The following IFT52 variants were observed in gnomAD, a reference collection of about 807,000 sequenced individuals.
The protein encoded by IFT52 is intraflagellar transport 52.
In IFT52, 44 loss-of-function variants were observed where a neutral mutation model predicts 54.4. The ratio of observed to expected loss-of-function variants is 0.81; its 90% CI spans 0.63 to 1.04. IFT52 has a LOEUF of 1.04. IFT52 is among the 50% of genes least tolerant of loss of function. The pLI, the probability that IFT52 is intolerant of heterozygous loss-of-function variation, is 0.00. For synonymous variants in IFT52, 181 were observed against 185.3 expected, an observed-to-expected ratio of 0.98 and a Z score of 0.19; for missense variants, 452 against 523.6, an observed-to-expected ratio of 0.86 and a Z score of 1.33.
chr20:43,607,531 G>C (rs1297666968), intron 6 of IFT52, among the ~76,000 whole-genome samples: 1 of 150,640 alleles, frequency 6.6e-6, no homozygotes, highest in African/African-American at 2.4e-5. Flanking sequence ...CATCCCAGAC[G>C]GGGCGGCGTG....
intron 13 of IFT52, 132 bp from the exon 14 acceptor site, chr20:43,646,804 C>T (rs912493585): frequency 1.2e-5 from 10 of 803,336 alleles, no homozygotes; most frequent in Middle Eastern, 4.9e-4. Flanking sequence ...GGATTCAGCC[C>T]TAAAGCCAGA....
At chr20:43,626,702 A>G (rs1358843187) in intron 10 of IFT52, among the ~76,000 whole-genome samples, 1 of 151,926 alleles carries the variant, frequency 6.6e-6, no homozygotes, top group African/African-American at 2.4e-5. Flanking sequence ...ACCATAAATT[A>G]TGATGCATCT....
chr20:43,604,369 A>C (rs1982696066), intron 5 of IFT52, 111 bp downstream of exon 5: 1 of 717,568 alleles, frequency 1.4e-6, no homozygotes, highest in South Asian at 1.6e-5. Context: ...CAGGAGTTCC[A>C]AACCAGCCTG....
intron 6 of IFT52, among the ~76,000 whole-genome samples, chr20:43,607,852 G>A (rs1983075867): frequency 6.6e-6 from 1 of 152,212 alleles, no homozygotes; most frequent in Non-Finnish European, 1.5e-5. Flanking sequence ...TCCAGCCTGG[G>A]CACCGTTGAG....
rs1415458146 is a variant in IFT52 at position 43,645,468 on chromosome 20, A to G, written c.1267-1468A>G. On this transcript the variant is annotated intron_variant, in intron 13 of 13. Coordinates refer to ENST00000373030, the MANE Select transcript of IFT52 (RefSeq NM_016004.5). Reference sequence around the variant, plus strand: ...GCTACTCAGGAGGCTGAGGCAGGAGAATGGTGTGAACCCGGGAGGCAGAGC... The same window carrying G: ...GCTACTCAGGAGGCTGAGGCAGGAGGATGGTGTGAACCCGGGAGGCAGAGC... 3.6e-5 allele frequency among the ~76,000 whole-genome samples: 2 copies of G among 55,514 alleles called. 1 individual carries two copies. Among genetic ancestry groups the G allele is most frequent in the Non-Finnish European group, 8.5e-5 (2 of 23,458 alleles). 36.4% of individuals were successfully genotyped at this position (55,514 alleles called of 152,430 possible).
At chr20:43,597,597 A>C (rs1982078627) in intron 3 of IFT52, among the ~76,000 whole-genome samples, 1 of 152,068 alleles carries the variant, frequency 6.6e-6, no homozygotes, top group Admixed American at 6.6e-5. Flanking sequence ...TTTAAGCATA[A>C]AATTGCCATA....
chr20:43,604,972 T>G (rs779641776), intron 5 of IFT52, 30 bp from the exon 6 acceptor site: 32 of 1,609,218 alleles, frequency 2.0e-5, no homozygotes, highest in Non-Finnish European at 2.7e-5. Context: ...ATTTTTTTTG[T>G]TTACTAGATT....
chr20:43,618,859 A>G (rs967562726), intron 7 of IFT52, 81 bp from the exon 8 acceptor site: 1 of 887,440 alleles, frequency 1.1e-6, no homozygotes, highest in Non-Finnish European at 1.9e-6. Context: ...TGCTAGCATG[A>G]TTCTAATAAG....
chr20:43,593,839 C>T lies in IFT52; in HGVS notation c.-6-854C>T, dbSNP rs573738437. Among the ~76,000 whole-genome samples, 89 of 152,218 alleles carry T rather than the reference C, an allele frequency of 5.8e-4. 1 individual carries two copies. Among genetic ancestry groups the T allele is most frequent in the African/African-American group, 2.1e-3 (87 of 41,546 alleles). ...TCAGCCTCTCAAAGTGCTGGAGTTA[C>T]AGGCGTGAGCCACTGCACCCAGCCC... On this transcript the variant is annotated intron_variant, in intron 1 of 13. Transcript: ENST00000373030.
intron 7 of IFT52, 142 bp downstream of exon 7, chr20:43,614,118 A>G (rs964415644): frequency 1.1e-5 from 8 of 723,726 alleles, no homozygotes; most frequent in South Asian, 5.8e-5. Flanking sequence ...TCAGCTATAT[A>G]CATTTTGCTT....
At chr20:43,594,849 A>G in intron 2 of IFT52, 32 bp downstream of exon 2, 1 of 1,089,600 alleles carries the variant, frequency 9.2e-7, no homozygotes, top group Non-Finnish European at 1.4e-6. Flanking sequence ...TTTCCCTTCT[A>G]AATGATATTG....
rs1194816644 is a variant in IFT52, at chr20:43,594,823, T to C, written c.119+6T>C. On this transcript the variant is annotated splice_donor_region_variant and intron_variant, in intron 2 of 13. Transcript: ENST00000373030. ...AGTAATTGGAAGATTCAGAGGTGAC[T>C]GACCATGTATATTGTTTTCCCTTCT... 4.4e-6 allele frequency: 6 copies of C among 1,355,218 alleles called. No homozygotes were observed. The East Asian group carries it at 1.4e-4, about 31-fold the overall frequency. 83.9% of individuals were successfully genotyped at this position (1,355,218 alleles called of 1,614,324 possible). A position where few individuals can be genotyped will look rare whatever the true frequency, so the allele number is the denominator to read the frequency against.
Position 43,619,910 on chromosome 20 carries a change from C to CTTT in IFT52, c.699+906_699+908dup, listed in dbSNP as rs11482384. On this transcript the variant is annotated intron_variant, in intron 8 of 13. Transcript: ENST00000373030. Reference sequence around the variant, plus strand: ...CATTATGGGAGATCTAGATATTCTACTTTTTTTTTTTTTTTTTTTTTTTTG... The same window carrying CTTT: ...CATTATGGGAGATCTAGATATTCTACTTTTTTTTTTTTTTTTTTTTTTTTTTTG... Among the ~76,000 whole-genome samples, 582 of 82,788 alleles carry CTTT rather than the reference C, an allele frequency of 7.0e-3. 65 individuals carry two copies. Among genetic ancestry groups the CTTT allele is most frequent in the East Asian group, 0.01 (25 of 2,424 alleles). 54.3% of individuals were successfully genotyped at this position (82,788 alleles called of 152,430 possible).
Position 43,594,820 on chromosome 20 carries a change from G to T in IFT52, c.119+3G>T. 1 of 1,392,066 alleles carries T rather than the reference G, an allele frequency of 7.2e-7. No homozygotes were observed. The allele number at this position is 1,392,066 out of a possible 1,614,324, so 86.2% of individuals were successfully genotyped here. A position where few individuals can be genotyped will look rare whatever the true frequency, so the allele number is the denominator to read the frequency against. Reference sequence around the variant, plus strand: ...CGGAGTAATTGGAAGATTCAGAGGTGACTGACCATGTATATTGTTTTCCCT... The same window carrying T: ...CGGAGTAATTGGAAGATTCAGAGGTTACTGACCATGTATATTGTTTTCCCT... On this transcript the variant is annotated splice_donor_region_variant and intron_variant, in intron 2 of 13. Transcript: ENST00000373030.
intron 6 of IFT52, among the ~76,000 whole-genome samples, chr20:43,605,829 C>T (rs1982825101): frequency 6.6e-6 from 1 of 152,134 alleles, no homozygotes; most frequent in Non-Finnish European, 1.5e-5. Context: ...TGTAATTGCC[C>T]AAATGCACAT....
chr20:43,609,723 C>T (rs926825392), intron 6 of IFT52, among the ~76,000 whole-genome samples: 1 of 147,866 alleles, frequency 6.8e-6, no homozygotes, highest in Non-Finnish European at 1.5e-5. Flanking sequence ...TGCATTTAGC[C>T]GAGATCACAC....
rs1601029917 is a variant in IFT52 at position 43,603,788 on chromosome 20, C to T, written c.236C>T (p.Thr79Ile). 6.2e-7 allele frequency: 1 copy of T among 1,611,618 alleles called. No homozygotes were observed. The change falls in exon 4 of 14, where the codon ACT becomes ATT. Residue 79 changes from threonine (T) to isoleucine (I), a missense_variant. By Grantham distance (89) the Thr-to-Ile change is moderately conservative (BLOSUM62 -1). Transcript: ENST00000373030. Reference protein sequence around the residue: ...EFEILKKYLDTGGDVFVMLGE... With the variant: ...EFEILKKYLDIGGDVFVMLGE... ...GAAATCCTGAAGAAATATCTTGACA[C>T]TGGTGGAGATGTCTTTGTGATGCTA... is the stretch of plus-strand genomic sequence containing the variant.
intron 3 of IFT52, among the ~76,000 whole-genome samples, chr20:43,602,136 ATTTTTATT>A (rs1190840802): frequency 1.8e-4 from 25 of 140,312 alleles, no homozygotes; most frequent in African/African-American, 6.3e-4. Flanking sequence ...CTTTGAGCTG[ATTTTTATT>A]TTATTTATTT....
rs188963935 is a variant in IFT52 at position 43,609,547 on chromosome 20, G to A, written c.486-4303G>A. On this transcript the variant is annotated intron_variant, in intron 6 of 13. Transcript: ENST00000373030. The stretch of plus-strand genomic sequence containing the variant: ...AACACTTTGGGAGGCCGAGGTGGGC[G>A]GATCACCTGAGATCAGGCGTTCAAG... 6.8e-3 allele frequency among the ~76,000 whole-genome samples: 1,040 copies of A among 152,052 alleles called. 11 individuals are homozygous for A. Among genetic ancestry groups the A allele is most frequent in the African/African-American group, 0.024 (985 of 41,460 alleles).
Sources: allele counts gnomAD v4.1 joint callset (sites outside exome capture counted in the v4.1 genomes callset), GRCh38; gene constraint gnomAD v4.1.1; transcripts MANE v1.5; gene names NCBI Gene and HGNC (gene_info 2026-07-23, HGNC 2026-07-21).